Variants in QTMAN observed in about 807,000 individuals in gnomAD.
QTMAN encodes the protein tRNA-queuosine alpha-mannosyltransferase.
chr2:143,973,932 T>C, the QTMAN span, among the ~76,000 whole-genome samples: 1 of 152,200 alleles, frequency 6.6e-6, no homozygotes, highest in Non-Finnish European at 1.5e-5. Flanking sequence ...AAGAACTCAT[T>C]CTAGCTATCT....
the QTMAN span, among the ~76,000 whole-genome samples, chr2:144,133,303 T>A: frequency 3.3e-5 from 1 of 30,074 alleles, no homozygotes; most frequent in South Asian, 6.1e-4. Context: ...ATATATATGT[T>A]CATATAAATA....
the QTMAN span, among the ~76,000 whole-genome samples, chr2:144,188,501 T>C: frequency 1.1e-3 from 160 of 148,240 alleles, no homozygotes; most frequent in African/African-American, 3.9e-3. Flanking sequence ...CTGAGTCCTT[T>C]TGCAATCGGA....
chr2:144,147,099 A>G, the QTMAN span, among the ~76,000 whole-genome samples: 1 of 151,828 alleles, frequency 6.6e-6, no homozygotes, highest in Non-Finnish European at 1.5e-5. Context: ...GATCTGCCGC[A>G]CTAGCCTTTC....
At chr2:143,999,732 C>G in the QTMAN span, among the ~76,000 whole-genome samples, 1 of 152,068 alleles carries the variant, frequency 6.6e-6, no homozygotes, top group Non-Finnish European at 1.5e-5. Flanking sequence ...ACAGAGGATG[C>G]AAAGGCAGAT....
the QTMAN span, among the ~76,000 whole-genome samples, chr2:144,196,845 C>T: frequency 2.0e-5 from 3 of 152,132 alleles, no homozygotes; most frequent in South Asian, 6.2e-4. Flanking sequence ...AATACATGAA[C>T]TCTACAGATG....
the QTMAN span, chr2:143,939,019 AAATGATGT>A: frequency 1.3e-5 from 2 of 152,254 alleles, no homozygotes; most frequent in Admixed American, 1.3e-4. Flanking sequence ...CAGATTAACA[AAATGATGT>A]AAATCACATA....
the QTMAN span, among the ~76,000 whole-genome samples, chr2:144,231,206 G>C: frequency 6.6e-6 from 1 of 151,964 alleles, no homozygotes; most frequent in Admixed American, 6.6e-5. Context: ...TACTCATTTT[G>C]ACCACATAAA....
the QTMAN span, among the ~76,000 whole-genome samples, chr2:144,278,777 G>A: frequency 6.6e-6 from 1 of 151,976 alleles, no homozygotes; most frequent in Non-Finnish European, 1.5e-5. Context: ...TTCCTGAAAA[G>A]TGTCACCTAG....
chr2:144,232,422 T>C, the QTMAN span, among the ~76,000 whole-genome samples: 7 of 152,204 alleles, frequency 4.6e-5, no homozygotes, highest in African/African-American at 1.7e-4. Flanking sequence ...AATAGATGTA[T>C]TTCCCAGTAT....
chr2:144,028,442 A>G, the QTMAN span, among the ~76,000 whole-genome samples: 2 of 152,210 alleles, frequency 1.3e-5, no homozygotes, highest in African/African-American at 4.8e-5. Flanking sequence ...TATATTGGAA[A>G]AATATTTCTG....
chr2:144,197,645 G>A, the QTMAN span, among the ~76,000 whole-genome samples: 1,959 of 152,086 alleles, frequency 0.013, 36 homozygotes, highest in African/African-American at 0.044. Context: ...TTTCAGTTCC[G>A]TTCCAGACAA....
chr2:144,008,901 A>C, the QTMAN span, among the ~76,000 whole-genome samples: 13 of 152,030 alleles, frequency 8.6e-5, no homozygotes, highest in Non-Finnish European at 1.9e-4. Context: ...GTGTGGGCAG[A>C]AATCAGACTG....
the QTMAN span, among the ~76,000 whole-genome samples, chr2:144,259,875 A>C: frequency 6.6e-6 from 1 of 152,178 alleles, no homozygotes; most frequent in Non-Finnish European, 1.5e-5. Flanking sequence ...ATTATAAAAG[A>C]GTAGTTAGTA....
At chr2:144,007,025 T>C in the QTMAN span, 1 of 522,438 alleles carries the variant, frequency 1.9e-6, no homozygotes, top group Non-Finnish European at 3.3e-6. Flanking sequence ...GTGAAGATAT[T>C]TAGTAGTACC....
the QTMAN span, among the ~76,000 whole-genome samples, chr2:144,019,079 A>AG: frequency 6.6e-6 from 1 of 152,074 alleles, no homozygotes; most frequent in Non-Finnish European, 1.5e-5. Context: ...AGGTGTGGGG[A>AG]GGGGAGGGAC....
chr2:144,261,396 C>A, the QTMAN span, among the ~76,000 whole-genome samples: 1 of 150,266 alleles, frequency 6.7e-6, no homozygotes, highest in Non-Finnish European at 1.5e-5. Context: ...TTTTTTTTTT[C>A]AAAAATATGT....
At chr2:144,127,383 C>T in the QTMAN span, among the ~76,000 whole-genome samples, 3 of 151,906 alleles carry the variant, frequency 2.0e-5, no homozygotes, top group Non-Finnish European at 4.4e-5. Context: ...AAGGACTAGA[C>T]TTACATTGCA....
chr2:144,222,486 CA>C, the QTMAN span, among the ~76,000 whole-genome samples: 7 of 152,068 alleles, frequency 4.6e-5, no homozygotes, highest in East Asian at 1.4e-3. Context: ...TCTAGTTGCA[CA>C]CTTAATTTCT....
At chr2:144,283,311 T>C in the QTMAN span, among the ~76,000 whole-genome samples, 10 of 152,280 alleles carry the variant, frequency 6.6e-5, no homozygotes, top group East Asian at 9.6e-4. Flanking sequence ...CTAAGTTAAA[T>C]TGTAGGATAA....
Sources: gnomAD v4.1 joint callset for allele counts (sites outside exome capture counted in the v4.1 genomes callset) on GRCh38, gnomAD v4.1.1 for gene constraint, MANE v1.5 for transcripts, NCBI Gene and HGNC (gene_info 2026-07-23, HGNC 2026-07-21) for gene names.